KIF20A: variants seen among roughly 807,000 people sequenced by gnomAD.
KIF20A encodes kinesin-like protein KIF20A.
In KIF20A, 66 loss-of-function variants were observed where a neutral mutation model predicts 113.0. The ratio of observed to expected loss-of-function variants is 0.58; its 90% CI spans 0.48 to 0.72. The LOEUF (loss-of-function observed/expected upper bound fraction) is 0.72. KIF20A is among the 30% of genes least tolerant of loss of function. The pLI, the probability that KIF20A is intolerant of heterozygous loss-of-function variation, is 0.00. For synonymous variants in KIF20A, 376 were observed against 402.3 expected (o/e 0.93, Z 0.78); for missense variants, 927 against 1,077.6 (o/e 0.86, Z 1.96).
rs1754688574 is a variant in KIF20A, at chr5:138,183,200, T to C, written c.864T>C (p.Thr288=). The change falls in exon 8 of 19, where the codon ACT becomes ACC. Residue 288 remains threonine (T), a synonymous_variant. Coordinates refer to ENST00000394894, the MANE Select transcript of KIF20A (RefSeq NM_005733.3). This position sits in a 1 kb window ranked among gnomAD's most constrained non-coding sequence, Gnocchi z 5.2. ...ETSHRWAQPD[T]APLPVPANIR... ...GTCATCGATGGGCACAGCCAGACAC[T>C]GCCCCACTACCTGTCCCGGCAAACA... is the stretch of plus-strand genomic sequence containing the variant. 1 of 1,614,092 alleles carries C rather than the reference T, an allele frequency of 6.2e-7. No individual in the cohort carries two copies. Among genetic ancestry groups the C allele is most frequent in the Non-Finnish European group, 8.5e-7 (1 of 1,180,052 alleles).
Position 138,181,691 on chromosome 5 carries a change from G to A in KIF20A, c.338G>A (p.Gly113Glu). The stretch of plus-strand genomic sequence containing the variant: ...TTTGCCCTGAAGAGCAATGAACGGG[G>A]AATTGGCCAAGCCACACACAGGTTC... The part of the protein sequence containing the change: ...DSFALKSNER[G>E]IGQATHRFTF... Residue 113 changes from glycine (G) to glutamate (E), a missense_variant, in exon 4 of 19, where the codon GGA (glycine) becomes GAA (glutamate). Physicochemically the swap from Gly to Glu is moderately conservative, Grantham distance 98. Coordinates refer to ENST00000394894, the MANE Select transcript of KIF20A (RefSeq NM_005733.3). The A allele has an allele frequency of 3.7e-6, 6 of 1,614,146 alleles. No homozygotes were observed. The highest frequency in any genetic ancestry group is 5.1e-6 in the Non-Finnish European group (6 of 1,180,034).
chr5:138,182,807 G>T, intron 6 of KIF20A, 34 bp downstream of exon 6: 1 of 1,613,594 alleles, frequency 6.2e-7, no homozygotes, highest in Non-Finnish European at 8.5e-7. Context: ...GTGGGGGTAG[G>T]GGGTACAAAT....
intron 2 of KIF20A, among the ~76,000 whole-genome samples, chr5:138,180,209 A>G (rs951962109): frequency 1.3e-5 from 2 of 152,184 alleles, no homozygotes; most frequent in South Asian, 2.1e-4. Flanking sequence ...TGTAAGTGGA[A>G]TGTATGTTCA....
chr5:138,181,828 G>A lies in KIF20A; in HGVS notation c.375+100G>A, dbSNP rs886699475. 6 of 1,384,386 alleles carry A rather than the reference G, an allele frequency of 4.3e-6. No individual in the cohort carries two copies. The Middle Eastern group carries it at 7.8e-4, about 180-fold the overall frequency. The allele number at this position is 1,384,386 out of a possible 1,614,324, so 85.8% of individuals were successfully genotyped here. ...TTCTCTTCCTGACTGTGAGTTCCTT[G>A]TATATGCACACCTACAATTTTGAGG... is the stretch of plus-strand genomic sequence containing the variant. On this transcript the variant is annotated intron_variant, in intron 4 of 18. Transcript: ENST00000394894.
At chr5:138,185,316 C>A in intron 15 of KIF20A, 119 bp downstream of exon 15, 1 of 842,856 alleles carries the variant, frequency 1.2e-6, no homozygotes. Flanking sequence ...TCCCTTTTCT[C>A]TATTCCCCAT....
Position 138,186,459 on chromosome 5 carries a change from G to GTCCTACCAGCCCAC in KIF20A, c.2355+32_2355+45dup, listed in dbSNP as rs976017487. The GTCCTACCAGCCCAC allele has an allele frequency of 1.9e-6, 3 of 1,601,382 alleles. No homozygotes were observed. In the African/African-American group the frequency reaches 4.0e-5, roughly 22 times the overall value. On this transcript the variant is annotated intron_variant, in intron 18 of 18. Transcript: ENST00000394894. The stretch of plus-strand genomic sequence containing the variant: ...TAGGGCAAACTATATACCCACTTCT[G>GTCCTACCAGCCCAC]TCCTACCAGCCCACTCCAGTGTATA...
intron 15 of KIF20A, 105 bp from the exon 16 acceptor site, chr5:138,185,407 G>C: frequency 9.1e-7 from 1 of 1,102,872 alleles, no homozygotes; most frequent in Admixed American, 2.0e-5. Flanking sequence ...GCTAACAACA[G>C]GTTTTCAAGG....
chr5:138,185,122 A>G lies in KIF20A; in HGVS notation c.1851A>G (p.Leu617=), dbSNP rs1398589653. Residue 617 remains leucine, a synonymous_variant, in exon 15 of 19, where the codon CTA becomes CTG. Coordinates refer to ENST00000394894, the MANE Select transcript of KIF20A (RefSeq NM_005733.3). The part of the protein sequence containing the change: ...CSEHLDTQKE[L]LEEMYEEKLN... ...AACATTTGGACACCCAAAAGGAACT[A>G]TTGGAGGAAATGTATGAAGAAAAAC... is the stretch of plus-strand genomic sequence containing the variant. 1.2e-6 allele frequency: 2 copies of G among 1,613,476 alleles called. No individual in the cohort carries two copies.
chr5:138,179,806 C>G lies in KIF20A; in HGVS notation c.126C>G (p.Asp42Glu). 6.2e-7 allele frequency: 1 copy of G among 1,614,112 alleles called. No homozygotes were observed. ...GSVVRKNLLSDCSVVSTSLED... is the reference protein window; with the variant it reads ...GSVVRKNLLSECSVVSTSLED... ...TGGTACGCAAGAACCTGCTATCAGA[C>G]TGCTCTGTCGTCTCTACCTCCCTAG... Residue 42 changes from aspartate to glutamate, a missense_variant, in exon 2 of 19, where the codon GAC (aspartate) becomes GAG (glutamate). By Grantham distance (45) the Asp-to-Glu change is conservative. Coordinates refer to ENST00000394894, the MANE Select transcript of KIF20A (RefSeq NM_005733.3).
rs533960227 is a variant in KIF20A, at chr5:138,186,516, G to A, written c.2355+85G>A. 2.1e-6 allele frequency: 3 copies of A among 1,449,988 alleles called. No homozygotes were observed. The South Asian group carries it at 4.1e-5, about 20-fold the overall frequency. 89.8% of individuals were successfully genotyped at this position (1,449,988 alleles called of 1,614,324 possible). A position where few individuals can be genotyped will look rare whatever the true frequency, so the allele number is the denominator to read the frequency against. The stretch of plus-strand genomic sequence containing the variant: ...AAAGGAAAGAGGACCAGAAGAAAAA[G>A]GTAAAGATTTTTAGGCTGAATTTAT... On this transcript the variant is annotated intron_variant, in intron 18 of 18. Transcript: ENST00000394894.
rs779506331 is a variant in KIF20A at position 138,186,331 on chromosome 5, G to A, written c.2255G>A (p.Gly752Asp). 5 of 1,599,722 alleles carry A rather than the reference G, an allele frequency of 3.1e-6. No homozygotes were observed. The East Asian group carries it at 8.9e-5, about 29-fold the overall frequency. ...RLLRTELQKL[G>D]ESLQSAERAC... ...TTGCGGACAGAGCTTCAGAAACTTG[G>A]TGAGTCTCTCCAATCAGCAGAGAGA... The change falls in exon 18 of 19, where the codon GGT becomes GAT. Residue 752 changes from glycine (G) to aspartate (D), a missense_variant. Transcript: ENST00000394894.
At position 138,183,327 on chromosome 5, in the gene KIF20A, C is replaced by G. The variant is rs113568069; in HGVS notation, c.991C>G (p.Leu331Val). 2 of 1,614,212 alleles carry G rather than the reference C, an allele frequency of 1.2e-6. No individual in the cohort carries two copies. Among genetic ancestry groups the G allele is most frequent in the African/African-American group, 1.3e-5 (1 of 75,052 alleles). The change falls in exon 8 of 19, where the codon CTA (leucine) becomes GTA (valine). Residue 331 changes from leucine to valine, a missense_variant. Coordinates refer to ENST00000394894, the MANE Select transcript of KIF20A (RefSeq NM_005733.3). The surrounding 1 kb of genome is among the most constrained non-coding windows in gnomAD (Gnocchi z 5.2). The part of the protein sequence containing the change: ...SQQRKRQTLR[L>V]CEDQNGNPYV... ...ACAGCGCAAGAGGCAGACTTTGCGG[C>G]TATGCGAGGATCAAAATGGCAATCC... is the stretch of plus-strand genomic sequence containing the variant.
chr5:138,179,253 G>C, intron 1 of KIF20A, 51 bp downstream of exon 1: 1 of 200,076 alleles, frequency 5.0e-6, no homozygotes, highest in South Asian at 7.7e-5. Flanking sequence ...TGCCCGCGCG[G>C]AATAGGCTTT....
Position 138,185,582 on chromosome 5 carries a change from A to G in KIF20A, c.1997A>G (p.Gln666Arg), listed in dbSNP as rs199720988. Reference sequence around the variant, plus strand: ...GCCAGACAACAGTCAGTGGCCCATCAGCAATCAGGGTCTGAATTGGCCCTA... The same window carrying G: ...GCCAGACAACAGTCAGTGGCCCATCGGCAATCAGGGTCTGAATTGGCCCTA... ...QEARQQSVAH[Q>R]QSGSELALRR... Residue 666 changes from glutamine (Q) to arginine (R), a missense_variant, in exon 16 of 19, where the codon CAG (glutamine) becomes CGG (arginine). Coordinates refer to ENST00000394894, the MANE Select transcript of KIF20A (RefSeq NM_005733.3). 1 of 1,614,208 alleles carries G rather than the reference A, an allele frequency of 6.2e-7. No individual in the cohort carries two copies.
intron 12 of KIF20A, 21 bp from the exon 13 acceptor site, chr5:138,184,491 A>G: frequency 6.2e-7 from 1 of 1,610,826 alleles, no homozygotes; most frequent in Non-Finnish European, 8.5e-7. Context: ...GAGTCAAGTA[A>G]GATATTTTTT....
rs1561628880 is a variant in KIF20A, at chr5:138,182,431, A to T, written c.484A>T (p.Thr162Ser). The part of the protein sequence containing the change: ...QNWLIYTYGV[T>S]NSGKTHTIQG... ...CTGGCTCATCTATACATATGGAGTCACTAACTCAGGGAAAACCCACACGAT... is the reference window on the plus strand; with the variant it reads ...CTGGCTCATCTATACATATGGAGTCTCTAACTCAGGGAAAACCCACACGAT... The change falls in exon 5 of 19, where the codon ACT (threonine) becomes TCT (serine). Residue 162 changes from threonine (T) to serine (S), a missense_variant. Coordinates refer to ENST00000394894, the MANE Select transcript of KIF20A (RefSeq NM_005733.3). The T allele has an allele frequency of 6.2e-7, 1 of 1,614,200 alleles. No individual in the cohort carries two copies.
Position 138,184,234 on chromosome 5 carries a change from G to T in KIF20A, c.1353-5G>T, listed in dbSNP as rs796973904. ...ACAGCTCTATTATCTCTGATTCTCT[G>T]CCAGGTCAAAGCAGAACCTGGTTCC... On this transcript the variant is annotated splice_region_variant and splice_polypyrimidine_tract_variant and intron_variant, in intron 11 of 18. Transcript: ENST00000394894. 2 of 1,613,890 alleles carry T rather than the reference G, an allele frequency of 1.2e-6. No homozygotes were observed. Among genetic ancestry groups the T allele is most frequent in the African/African-American group, 2.7e-5 (2 of 75,038 alleles).
rs1754679770 is a variant in KIF20A, at chr5:138,182,657, C to T, written c.586C>T (p.His196Tyr). 6.2e-7 allele frequency: 1 copy of T among 1,614,090 alleles called. No homozygotes were observed. The highest frequency in any genetic ancestry group is 8.5e-7 in the Non-Finnish European group (1 of 1,180,058). The change falls in exon 6 of 19, where the codon CAT (histidine) becomes TAT (tyrosine). Residue 196 changes from histidine (H) to tyrosine (Y), a missense_variant. Physicochemically the swap from His to Tyr is moderately conservative, Grantham distance 83. Coordinates refer to ENST00000394894, the MANE Select transcript of KIF20A (RefSeq NM_005733.3). The part of the protein sequence containing the change: ...LIFNSLQGQL[H>Y]PTPDLKPLLS... ...CTTCAATAGCCTCCAAGGCCAACTT[C>T]ATCCAACACCTGATCTGAAGCCCTT...
At position 138,186,338 on chromosome 5, in the gene KIF20A, T is replaced by C; in HGVS notation, c.2262T>C (p.Ser754=). The change falls in exon 18 of 19, where the codon TCT becomes TCC. Residue 754 remains serine, a synonymous_variant. Coordinates refer to ENST00000394894, the MANE Select transcript of KIF20A (RefSeq NM_005733.3). ...CAGAGCTTCAGAAACTTGGTGAGTCTCTCCAATCAGCAGAGAGAGCTTGTT... is the reference window on the plus strand; with the variant it reads ...CAGAGCTTCAGAAACTTGGTGAGTCCCTCCAATCAGCAGAGAGAGCTTGTT... ...LRTELQKLGE[S]LQSAERACCH... is the part of the protein sequence containing the mutation. The C allele has an allele frequency of 1.9e-6, 3 of 1,600,962 alleles. No homozygotes were observed. Among genetic ancestry groups the C allele is most frequent in the Non-Finnish European group, 2.5e-6 (3 of 1,177,194 alleles).
Sources: gnomAD v4.1 joint callset for allele counts (sites outside exome capture counted in the v4.1 genomes callset) on GRCh38, gnomAD v4.1.1 for gene constraint, Gnocchi (gnomAD v3.1) non-coding constraint, MANE v1.5 for transcripts, NCBI Gene and HGNC (gene_info 2026-07-23, HGNC 2026-07-21) for gene names.